FRMD5: variants seen among roughly 807,000 people sequenced by gnomAD.
The protein encoded by FRMD5 is FERM domain-containing protein 5.
In FRMD5, 20 loss-of-function variants were observed where a neutral mutation model predicts 69.0. The ratio of observed to expected loss-of-function variants is 0.29; its 90% CI spans 0.20 to 0.42. The LOEUF is 0.42. Ranked by LOEUF, FRMD5 falls within the 10% of genes least tolerant of loss-of-function variation. The probability of loss-of-function intolerance (pLI) is 1.00; values close to 1 mark genes in which losing one functional copy is unlikely to be tolerated. For missense variants in FRMD5, 595 were observed against 708.6 expected (o/e 0.84, Z 1.82); for synonymous variants, 271 against 260.1 (o/e 1.04, Z -0.40).
intron 1 of FRMD5, among the ~76,000 whole-genome samples, chr15:44,132,296 G>A (rs2077112797): frequency 6.6e-6 from 1 of 152,210 alleles, no homozygotes; most frequent in African/African-American, 2.4e-5. Context: ...TTCCTAACAG[G>A]CCATAGATCA....
intron 1 of FRMD5, among the ~76,000 whole-genome samples, chr15:44,101,699 CT>C (rs2076642997): frequency 6.6e-6 from 1 of 152,196 alleles, no homozygotes; most frequent in African/African-American, 2.4e-5. Flanking sequence ...TCCTAGGCAA[CT>C]TTTACTATAT....
chr15:44,161,912 C>T (rs1006942755), intron 1 of FRMD5, among the ~76,000 whole-genome samples: 25 of 152,176 alleles, frequency 1.6e-4, no homozygotes, highest in African/African-American at 6.0e-4. Context: ...GTCATCCCTT[C>T]TTGGGATTTT....
intron 1 of FRMD5, among the ~76,000 whole-genome samples, chr15:44,192,055 G>A (rs1045984031): frequency 6.6e-6 from 1 of 151,318 alleles, no homozygotes; most frequent in African/African-American, 2.4e-5. Flanking sequence ...TTCTTCACAG[G>A]GGAGCAATTA....
intron 1 of FRMD5, among the ~76,000 whole-genome samples, chr15:44,180,444 G>T (rs1231242407): frequency 6.6e-6 from 1 of 152,010 alleles, no homozygotes; most frequent in East Asian, 1.9e-4. Context: ...AATTATGTCA[G>T]AAATATTATT....
At chr15:43,945,715 G>C (rs1042256018) in intron 1 of FRMD5, among the ~76,000 whole-genome samples, 1 of 152,104 alleles carries the variant, frequency 6.6e-6, no homozygotes, top group Non-Finnish European at 1.5e-5. Context: ...ATGGACGGGA[G>C]GGCACATTGC....
chr15:43,964,496 CA>C lies in FRMD5; in HGVS notation c.103-40188del, dbSNP rs200106950. The stretch of plus-strand genomic sequence containing the variant: ...ACCCTGTTTCAAACAAACAAACAAA[CA>C]AACAAAAAAAAAAACAAAAGAAAAG... On this transcript the variant is annotated intron_variant, in intron 1 of 13. Transcript: ENST00000417257. 2.0e-4 allele frequency among the ~76,000 whole-genome samples: 22 copies of C among 110,436 alleles called. No individual in the cohort carries two copies. In the East Asian group the frequency reaches 3.8e-3, roughly 19 times the overall value. The allele number at this position is 110,436 out of a possible 152,430, so 72.5% of individuals were successfully genotyped here. A position where few individuals can be genotyped will look rare whatever the true frequency, so the allele number is the denominator to read the frequency against.
intron 1 of FRMD5, among the ~76,000 whole-genome samples, chr15:44,132,528 A>T (rs1021536622): frequency 1.3e-5 from 2 of 152,142 alleles, no homozygotes; most frequent in African/African-American, 4.8e-5. Context: ...TCCTGGACTC[A>T]AGTGATCTTC....
intron 1 of FRMD5, among the ~76,000 whole-genome samples, chr15:44,141,722 C>T (rs758415446): frequency 3.9e-5 from 6 of 152,152 alleles, no homozygotes; most frequent in Admixed American, 1.3e-4. Context: ...CCTTGTAATT[C>T]GGAAGCTGCA....
intron 1 of FRMD5, among the ~76,000 whole-genome samples, chr15:43,972,850 G>A (rs927045388): frequency 5.3e-5 from 8 of 152,152 alleles, no homozygotes; most frequent in African/African-American, 9.7e-5. Flanking sequence ...TCTGCTTTCC[G>A]AAGGATAAGA....
chr15:44,081,444 A>G (rs1185776396), intron 1 of FRMD5, among the ~76,000 whole-genome samples: 1 of 152,108 alleles, frequency 6.6e-6, no homozygotes, highest in African/African-American at 2.4e-5. Context: ...GGGATCAACT[A>G]TTTCAGGAAA....
chr15:44,058,681 G>T (rs1259519401), intron 1 of FRMD5, among the ~76,000 whole-genome samples: 1 of 151,604 alleles, frequency 6.6e-6, no homozygotes, highest in Non-Finnish European at 1.5e-5. Context: ...AGCTACTCAG[G>T]AGGCTGAGGC....
Position 43,905,852 on chromosome 15 carries a change from G to C in FRMD5, c.527C>G (p.Ala176Gly). ...CCTCAGTTCCGTCTTGTGAATCTCA[G>C]CAATTTTCCTTTCCAGCTTCTCTGA... Reference protein sequence around the residue: ...KHSEKLERKIAEIHKTELSGQ... With the variant: ...KHSEKLERKIGEIHKTELSGQ... Residue 176 changes from alanine (A) to glycine (G), a missense_variant, in exon 6 of 14, where the codon GCT (alanine) becomes GGT (glycine). Physicochemically the swap from Ala to Gly is moderately conservative, Grantham distance 60. Transcript: ENST00000417257. 6.2e-7 allele frequency: 1 copy of C among 1,614,228 alleles called. No homozygotes were observed. Among genetic ancestry groups the C allele is most frequent in the Non-Finnish European group, 8.5e-7 (1 of 1,180,046 alleles).
chr15:44,139,298 TACACA>T (rs1203842245), intron 1 of FRMD5, among the ~76,000 whole-genome samples: 5 of 143,680 alleles, frequency 3.5e-5, no homozygotes, highest in Admixed American at 1.4e-4. Context: ...CCCCTCTCTC[TACACA>T]CACACACACA....
chr15:44,175,991 T>C (rs2077888238), intron 1 of FRMD5, among the ~76,000 whole-genome samples: 1 of 152,204 alleles, frequency 6.6e-6, no homozygotes, highest in African/African-American at 2.4e-5. Flanking sequence ...ATACACTTCG[T>C]ATCAAAATTC....
At chr15:44,066,945 A>G (rs1391080288) in intron 1 of FRMD5, among the ~76,000 whole-genome samples, 4 of 152,228 alleles carry the variant, frequency 2.6e-5, no homozygotes, top group Non-Finnish European at 4.4e-5. Context: ...AGATTGTATG[A>G]AGGCAGAAAA....
In FRMD5 at chr15:43,883,710, G is replaced by C; in HGVS notation, c.1128C>G (p.Ile376Met). ...RTRRRAVHIS[I>M]MEGLESLRDS... ...CAAGAAGCTCATGCTCACCTTCCAT[G>C]ATGGAGATGTGAACAGCTCTTCTGC... is the stretch of plus-strand genomic sequence containing the variant. The change falls in exon 13 of 14, where the codon ATC becomes ATG. Residue 376 changes from isoleucine to methionine, a missense_variant. Ile to Met is a conservative substitution (Grantham distance 10, BLOSUM62 1). This residue lies in a region of FRMD5 where 176 missense variants were observed against 266.3 expected (regional missense o/e 0.66). Transcript: ENST00000417257. The C allele has an allele frequency of 6.2e-7, 1 of 1,606,878 alleles. No individual in the cohort carries two copies. Among genetic ancestry groups the C allele is most frequent in the Non-Finnish European group, 8.5e-7 (1 of 1,176,284 alleles).
intron 1 of FRMD5, among the ~76,000 whole-genome samples, chr15:44,171,204 CTAAGT>C (rs2077796778): frequency 6.6e-6 from 1 of 152,248 alleles, no homozygotes; most frequent in Non-Finnish European, 1.5e-5. Flanking sequence ...ACAAAATATA[CTAAGT>C]TATCACAGAA....
chr15:44,163,413 T>C (rs2140506399), intron 1 of FRMD5, among the ~76,000 whole-genome samples: 1 of 152,344 alleles, frequency 6.6e-6, no homozygotes, highest in East Asian at 1.9e-4. Flanking sequence ...ATAGAGGGGT[T>C]GGGCATTCTA....
chr15:43,962,051 C>A (rs1193246231), intron 1 of FRMD5, among the ~76,000 whole-genome samples: 1 of 152,124 alleles, frequency 6.6e-6, no homozygotes, highest in African/African-American at 2.4e-5. Flanking sequence ...GAAGTTCTGG[C>A]CAGGGCAATC....
Sources: allele counts gnomAD v4.1 joint callset (sites outside exome capture counted in the v4.1 genomes callset), GRCh38; gene constraint gnomAD v4.1.1; regional missense constraint gnomAD v4.1.1; transcripts MANE v1.5; gene names NCBI Gene and HGNC (gene_info 2026-07-23, HGNC 2026-07-21).